The following PRELID2 variants were observed in gnomAD, a reference collection of about 807,000 sequenced individuals.
PRELID2 encodes the protein PRELI domain-containing protein 2.
Under a neutral mutation model 28.4 loss-of-function variants are expected in PRELID2, and 25 were observed. That is an observed-to-expected ratio of 0.88 (90% confidence interval 0.64 to 1.23). The LOEUF (loss-of-function observed/expected upper bound fraction) is 1.23, where lower values mean the gene tolerates loss of function less well. Ranked by LOEUF, PRELID2 falls within the 50% of genes most tolerant of loss-of-function variation. PRELID2 has a pLI of 0.00. For synonymous variants in PRELID2, 76 were observed against 71.6 expected, an observed-to-expected ratio of 1.06 and a Z score of -0.31; for missense variants, 201 against 214.4, an observed-to-expected ratio of 0.94 and a Z score of 0.39.
At chr5:145,825,834 A>C (rs1017763397) in intron 1 of PRELID2, among the ~76,000 whole-genome samples, 1 of 152,226 alleles carries the variant, frequency 6.6e-6, no homozygotes, top group Non-Finnish European at 1.5e-5. Flanking sequence ...TTAAAGATTT[A>C]TTGAACTGAG....
intron 1 of PRELID2, among the ~76,000 whole-genome samples, chr5:145,598,797 G>C (rs1753347518): frequency 6.6e-6 from 1 of 152,106 alleles, no homozygotes; most frequent in African/African-American, 2.4e-5. Context: ...ATCACAATTT[G>C]TAATAAGTGT....
intron 1 of PRELID2, among the ~76,000 whole-genome samples, chr5:145,563,755 G>A (rs1320781600): frequency 2.0e-5 from 3 of 152,320 alleles, no homozygotes; most frequent in African/African-American, 7.2e-5. Context: ...AGAGAATGGT[G>A]GTTACCAGGG....
chr5:145,633,923 T>C (rs944247361), intron 1 of PRELID2, among the ~76,000 whole-genome samples: 6 of 152,170 alleles, frequency 3.9e-5, no homozygotes, highest in Non-Finnish European at 8.8e-5. Context: ...TGCATTCCCA[T>C]AGCAGGAGAC....
At chr5:145,554,165 C>T (rs1263968752) in intron 1 of PRELID2, among the ~76,000 whole-genome samples, 1 of 152,080 alleles carries the variant, frequency 6.6e-6, no homozygotes, top group Admixed American at 6.5e-5. Flanking sequence ...GAATCAACTA[C>T]AAATACATTA....
At chr5:145,570,303 C>T (rs1753005253) in intron 1 of PRELID2, among the ~76,000 whole-genome samples, 1 of 152,150 alleles carries the variant, frequency 6.6e-6, no homozygotes, top group African/African-American at 2.4e-5. Context: ...GAGGTACTCA[C>T]ATCAGAGGTT....
intron 1 of PRELID2, among the ~76,000 whole-genome samples, chr5:145,617,221 T>G (rs548279909): frequency 5.9e-5 from 9 of 152,302 alleles, no homozygotes; most frequent in African/African-American, 2.2e-4. Flanking sequence ...CACAGGGTCC[T>G]GAGGTGACAT....
the PRELID2 span, among the ~76,000 whole-genome samples, chr5:145,333,515 C>T: frequency 5.9e-5 from 9 of 152,152 alleles, no homozygotes; most frequent in African/African-American, 2.2e-4. Flanking sequence ...GCAGTTTTGC[C>T]AAGCTGTGGT....
intron 1 of PRELID2, among the ~76,000 whole-genome samples, chr5:145,538,144 A>C (rs772624920): frequency 6.6e-6 from 1 of 151,876 alleles, no homozygotes; most frequent in Non-Finnish European, 1.5e-5. Flanking sequence ...AATCAGTTGC[A>C]TATAAGTGAG....
At chr5:145,316,079 C>T in the PRELID2 span, among the ~76,000 whole-genome samples, 2 of 152,118 alleles carry the variant, frequency 1.3e-5, no homozygotes, top group Non-Finnish European at 2.9e-5. Context: ...TCAGCAATGT[C>T]AGATATGTAG....
At chr5:145,437,647 T>A in the PRELID2 span, among the ~76,000 whole-genome samples, 2 of 152,098 alleles carry the variant, frequency 1.3e-5, no homozygotes, top group African/African-American at 4.8e-5. Flanking sequence ...ACTGACCACA[T>A]GACTCTTCGT....
the PRELID2 span, among the ~76,000 whole-genome samples, chr5:145,446,848 A>C: frequency 3.9e-5 from 6 of 152,066 alleles, no homozygotes; most frequent in African/African-American, 1.4e-4. Flanking sequence ...GGAGTTAGAG[A>C]CCAGCCTGGC....
At chr5:145,438,529 A>G in the PRELID2 span, among the ~76,000 whole-genome samples, 3 of 152,132 alleles carry the variant, frequency 2.0e-5, no homozygotes, top group Non-Finnish European at 4.4e-5. Context: ...TTTTACAGAG[A>G]TGTGTCATCT....
the PRELID2 span, among the ~76,000 whole-genome samples, chr5:145,382,600 A>G: frequency 1.3e-5 from 2 of 152,060 alleles, no homozygotes; most frequent in East Asian, 3.9e-4. Context: ...TTAAATATCC[A>G]TCCAGCATTT....
intron 1 of PRELID2, among the ~76,000 whole-genome samples, chr5:145,505,596 T>C (rs1205116220): frequency 6.6e-6 from 1 of 152,196 alleles, no homozygotes; most frequent in Non-Finnish European, 1.5e-5. Flanking sequence ...GAAATCCTCA[T>C]ACTTGGAATA....
At position 145,758,559 on chromosome 5, in the gene PRELID2, T is replaced by C. The variant is rs988034754; in HGVS notation, c.*1977A>G. Among the ~76,000 whole-genome samples, 12 of 152,132 alleles carry C rather than the reference T, an allele frequency of 7.9e-5. No homozygotes were observed. The highest frequency in any genetic ancestry group is 4.4e-5 in the Non-Finnish European group (3 of 68,030). On this transcript the variant is annotated 3_prime_UTR_variant, in exon 7 of 7. Coordinates refer to ENST00000683046, the MANE Select transcript of PRELID2 (RefSeq NM_205846.3). ...CTAACAGACAGCCAAGGTTGAGAAC[T>C]CCTGCCTTCAGAGGATGGGAGTTTT...
intron 5 of PRELID2, among the ~76,000 whole-genome samples, chr5:145,770,209 A>T (rs1581168182): frequency 6.6e-6 from 1 of 152,180 alleles, no homozygotes; most frequent in East Asian, 1.9e-4. Context: ...ACTTTTTATC[A>T]TTTTAGAATG....
At chr5:145,557,587 G>A (rs576645377) in intron 1 of PRELID2, among the ~76,000 whole-genome samples, 7 of 152,318 alleles carry the variant, frequency 4.6e-5, no homozygotes, top group African/African-American at 7.2e-5. Context: ...AGGAGATGCC[G>A]CTGGTGGAGC....
the PRELID2 span, among the ~76,000 whole-genome samples, chr5:145,252,750 T>TCAGAGCTTC: frequency 2.0e-5 from 3 of 152,110 alleles, no homozygotes; most frequent in South Asian, 6.2e-4. Flanking sequence ...AGCTTCAGTT[T>TCAGAGCTTC]AGAAAGACGT....
intron 6 of PRELID2, among the ~76,000 whole-genome samples, chr5:145,763,099 A>G (rs1561580564): frequency 6.6e-6 from 1 of 152,238 alleles, no homozygotes; most frequent in African/African-American, 2.4e-5. Context: ...TTTCAAAAAC[A>G]CTAATTTGAA....
Sources: allele counts gnomAD v4.1 joint callset (sites outside exome capture counted in the v4.1 genomes callset), GRCh38; gene constraint gnomAD v4.1.1; transcripts MANE v1.5; gene names NCBI Gene and HGNC (gene_info 2026-07-23, HGNC 2026-07-21).